STIM1: variants seen among roughly 807,000 people sequenced by gnomAD.
STIM1 encodes stromal interaction molecule 1.
STIM1 carries 25 observed loss-of-function variants against 74.7 expected under a neutral mutation model. The ratio of observed to expected loss-of-function variants is 0.33; its 90% confidence interval spans 0.24 to 0.47. STIM1 has a LOEUF of 0.47. Ranked by LOEUF, STIM1 falls within the 20% of genes least tolerant of loss-of-function variation. The probability of loss-of-function intolerance (pLI) is 1.00; values close to 1 mark genes in which losing one functional copy is unlikely to be tolerated. For synonymous variants in STIM1, 328 were observed against 348.8 expected, an observed-to-expected ratio of 0.94 and a Z score of 0.66; for missense variants, 728 against 920.8, an observed-to-expected ratio of 0.79 and a Z score of 2.71.
At chr11:3,990,635 C>T (rs191755401) in intron 2 of STIM1, among the ~76,000 whole-genome samples, 161 of 152,264 alleles carry the variant, frequency 1.1e-3, no homozygotes, top group Non-Finnish European at 1.5e-3. Flanking sequence ...TTTTTGATTA[C>T]AGTCATCCTA....
At chr11:3,938,088 C>G (rs977510485) in intron 1 of STIM1, among the ~76,000 whole-genome samples, 26 of 152,048 alleles carry the variant, frequency 1.7e-4, no homozygotes, top group Non-Finnish European at 1.6e-4. Flanking sequence ...TGCCCACCAC[C>G]ACACCCAGCT....
intron 1 of STIM1, among the ~76,000 whole-genome samples, chr11:3,886,672 A>G (rs1344891362): frequency 7.0e-5 from 9 of 128,400 alleles, no homozygotes; most frequent in Non-Finnish European, 1.4e-4. Flanking sequence ...TGGGTGACAG[A>G]GCGAGACTCT....
chr11:3,892,400 T>G, intron 1 of STIM1: 1 of 1,435,778 alleles, frequency 7.0e-7, no homozygotes, highest in African/African-American at 1.4e-5. Context: ...TATTAAGAGT[T>G]GTCCACAGTC....
chr11:3,992,086 TTTG>T (rs2093620278), intron 2 of STIM1, among the ~76,000 whole-genome samples: 3 of 137,424 alleles, frequency 2.2e-5, no homozygotes, highest in African/African-American at 5.7e-5. Context: ...CATCTGTTTT[TTTG>T]TTTTTTTTTT....
rs773480110 is a variant in STIM1, at chr11:3,856,221, G to A, written c.-50G>A. 2 of 1,612,344 alleles carry A rather than the reference G, an allele frequency of 1.2e-6. No homozygotes were observed. The highest frequency in any genetic ancestry group is 3.3e-5 in the Admixed American group (2 of 60,010). ...CTCCCGGGCTCCTGGCTTTGCCTCT[G>A]GGATCCCGAGGTGTCCACATCAGAC... is the stretch of plus-strand genomic sequence containing the variant. On this transcript the variant is annotated 5_prime_UTR_variant, in exon 1 of 13. Transcript: ENST00000526596.
intron 1 of STIM1, among the ~76,000 whole-genome samples, chr11:3,932,985 G>A (rs1313343420): frequency 6.6e-6 from 1 of 152,194 alleles, no homozygotes; most frequent in Non-Finnish European, 1.5e-5. Context: ...CATAGAAGGA[G>A]CTTTTTGGCT....
rs7930739 is a variant in STIM1 at position 4,074,872 on chromosome 11, T to C, written c.969+193T>C. Among the ~76,000 whole-genome samples, 123,563 of 152,206 alleles carry C rather than the reference T, an allele frequency of 0.81. 52,109 individuals are homozygous for C. Among genetic ancestry groups the C allele is most frequent in the East Asian group, 0.95 (4,941 of 5,182 alleles). On this transcript the variant is annotated intron_variant, in intron 7 of 12. Coordinates refer to ENST00000526596, the MANE Select transcript of STIM1 (RefSeq NM_001382567.1). ...AGTCACTATGGGCCAGGCACAGTGGTTCATGCCTGTAATTCTAGCACTTTG... is the reference window on the plus strand; with the variant it reads ...AGTCACTATGGGCCAGGCACAGTGGCTCATGCCTGTAATTCTAGCACTTTG...
rs181027655 is a variant in STIM1 at position 3,974,962 on chromosome 11, C to T, written c.270+7280C>T. On this transcript the variant is annotated intron_variant, in intron 2 of 12. Transcript: ENST00000526596. ...GCAGTGCTATTTTCTTTTCTGGAGC[C>T]TACATGGCAAATCAGGGCATTTATT... Among the ~76,000 whole-genome samples, 3 of 152,202 alleles carry T rather than the reference C, an allele frequency of 2.0e-5. No individual in the cohort carries two copies. The East Asian group carries it at 5.8e-4, about 29-fold the overall frequency.
intron 1 of STIM1, among the ~76,000 whole-genome samples, chr11:3,860,362 TAGAG>T (rs2090549640): frequency 2.0e-5 from 3 of 152,336 alleles, no homozygotes; most frequent in Non-Finnish European, 2.9e-5. Context: ...AATTAAATCA[TAGAG>T]AGGTTAAATA....
In STIM1 at chr11:3,950,179, G is replaced by A. The variant is rs1001404962; in HGVS notation, c.140-17373G>A. Among the ~76,000 whole-genome samples the A allele has an allele frequency of 5.3e-5, 8 of 150,626 alleles. 1 individual carries two copies. Among genetic ancestry groups the A allele is most frequent in the Admixed American group, 5.3e-4 (8 of 15,108 alleles). ...GACAGAGTCTTGCTCTGTTGCCCAG[G>A]CTGGAGTGGAGTGGTGCGATCTGGG... On this transcript the variant is annotated intron_variant, in intron 1 of 12. Transcript: ENST00000526596.
At chr11:4,020,650 A>T (rs1377509867) in intron 2 of STIM1, among the ~76,000 whole-genome samples, 1 of 151,796 alleles carries the variant, frequency 6.6e-6, no homozygotes, top group Admixed American at 6.6e-5. Context: ...GTACAGTGGC[A>T]TGATCACAAC....
intron 12 of STIM1, 172 bp downstream of exon 12, chr11:4,086,715 C>T: frequency 1.3e-6 from 2 of 1,537,970 alleles, no homozygotes; most frequent in Non-Finnish European, 1.7e-6. Context: ...CCACTACCAC[C>T]ACCACCACCA....
intron 3 of STIM1, among the ~76,000 whole-genome samples, chr11:4,049,324 A>ATTTTTTTTTTTTTT (rs369097214): frequency 7.5e-6 from 1 of 133,904 alleles, no homozygotes. Flanking sequence ...TATCAGCTGG[A>ATTTTTTTTTTTTTT]TTTTTTTTTT....
intron 1 of STIM1, among the ~76,000 whole-genome samples, chr11:3,931,995 G>A (rs2092867752): frequency 1.3e-5 from 2 of 152,134 alleles, no homozygotes; most frequent in African/African-American, 4.8e-5. Flanking sequence ...TAAATTGCAC[G>A]CTGTTTACAA....
intron 2 of STIM1, among the ~76,000 whole-genome samples, chr11:4,005,635 C>T (rs996444564): frequency 5.9e-5 from 9 of 151,686 alleles, no homozygotes; most frequent in African/African-American, 1.5e-4. Flanking sequence ...TGCTAAATGA[C>T]GAGTTAATGG....
chr11:4,067,891 C>T (rs1476812454), intron 5 of STIM1, among the ~76,000 whole-genome samples: 1 of 152,144 alleles, frequency 6.6e-6, no homozygotes, highest in African/African-American at 2.4e-5. Flanking sequence ...TTATGCTGTG[C>T]ACTGGCATAT....
intron 3 of STIM1, among the ~76,000 whole-genome samples, chr11:4,046,352 C>T (rs926687731): frequency 1.3e-5 from 2 of 152,102 alleles, no homozygotes; most frequent in South Asian, 4.1e-4. Context: ...TGACTAAGCA[C>T]CCTTCACTTA....
intron 1 of STIM1, among the ~76,000 whole-genome samples, chr11:3,942,791 A>G (rs1360878664): frequency 6.6e-6 from 1 of 152,182 alleles, no homozygotes; most frequent in Non-Finnish European, 1.5e-5. Flanking sequence ...TCTTAAGGCC[A>G]TTTGTGGTAC....
intron 1 of STIM1, among the ~76,000 whole-genome samples, chr11:3,866,615 CG>C (rs1414546378): frequency 6.6e-6 from 1 of 151,890 alleles, no homozygotes; most frequent in Non-Finnish European, 1.5e-5. Flanking sequence ...TTAGTAGAGA[CG>C]GGGTTTCACC....
Sources: allele counts gnomAD v4.1 joint callset (sites outside exome capture counted in the v4.1 genomes callset), GRCh38; gene constraint gnomAD v4.1.1; transcripts MANE v1.5; gene names NCBI Gene and HGNC (gene_info 2026-07-23, HGNC 2026-07-21).